Variants in MYCBP2 observed in about 807,000 individuals in gnomAD.
MYCBP2 encodes the protein MYC binding protein 2.
In MYCBP2, 120 loss-of-function variants were observed where a neutral mutation model predicts 525.3. The observed-to-expected ratio is 0.23, with a 90% confidence interval of 0.20 to 0.27. The LOEUF (loss-of-function observed/expected upper bound fraction) is 0.27, where lower values mean the gene tolerates loss of function less well. MYCBP2 is among the 10% of genes least tolerant of loss of function. MYCBP2 has a pLI of 1.00. For missense variants in MYCBP2, 4,149 were observed against 5,657.1 expected (o/e 0.73, Z 8.55); for synonymous variants, 1,894 against 1,955.8 (o/e 0.97, Z 0.83).
intron 33 of MYCBP2, among the ~76,000 whole-genome samples, chr13:77,181,156 G>A (rs142592449): frequency 1.3e-5 from 2 of 152,120 alleles, no homozygotes; most frequent in African/African-American, 2.4e-5. Context: ...AAGTCACAGA[G>A]TCTCAATAAA....
intron 21 of MYCBP2, among the ~76,000 whole-genome samples, chr13:77,214,174 A>G (rs373176576): frequency 1.3e-4 from 20 of 152,364 alleles, no homozygotes; most frequent in African/African-American, 4.8e-4. Flanking sequence ...TAAAGGTACC[A>G]CAACACATTC....
rs76751678 is a variant in MYCBP2 at position 77,130,984 on chromosome 13, A to G, written c.7660-4442T>C. ...TTCTCAGTCAACAACATGTACAATG[A>G]TATTTTAAAATGATGTTAACTGCTA... On this transcript the variant is annotated intron_variant, in intron 52 of 82. Transcript: ENST00000544440. Among the ~76,000 whole-genome samples, 47 of 152,320 alleles carry G rather than the reference A, an allele frequency of 3.1e-4. No individual in the cohort carries two copies. The East Asian group carries it at 7.5e-3, about 24-fold the overall frequency.
At chr13:77,067,915 AG>A (rs1566364909) in intron 70 of MYCBP2, 51 bp from the exon 71 acceptor site, 1 of 1,517,466 alleles carries the variant, frequency 6.6e-7, no homozygotes, top group Non-Finnish European at 8.9e-7. Flanking sequence ...TAATGTTTTA[AG>A]GTTTCTTTTA....
At chr13:77,140,747 A>C in intron 50 of MYCBP2, 99 bp downstream of exon 50, 1 of 852,854 alleles carries the variant, frequency 1.2e-6, no homozygotes, top group Non-Finnish European at 1.9e-6. Flanking sequence ...TCAAGTCCTG[A>C]AATCAAGTAA....
In MYCBP2 at chr13:77,130,676, A is replaced by C. The variant is rs75040389; in HGVS notation, c.7660-4134T>G. On this transcript the variant is annotated intron_variant, in intron 52 of 82. Coordinates refer to ENST00000544440, the MANE Select transcript of MYCBP2 (RefSeq NM_015057.5). ...GCTATGTTTTAGGGGAAAAATGTCTATACTGGTTCATCCACGTATATAAGA... is the reference window on the plus strand; with the variant it reads ...GCTATGTTTTAGGGGAAAAATGTCTCTACTGGTTCATCCACGTATATAAGA... 9.3e-3 allele frequency among the ~76,000 whole-genome samples: 1,410 copies of C among 152,260 alleles called. 21 individuals carry two copies. Among genetic ancestry groups the C allele is most frequent in the African/African-American group, 0.032 (1,316 of 41,552 alleles).
At chr13:77,268,504 G>A (rs975817525) in intron 7 of MYCBP2, among the ~76,000 whole-genome samples, 9 of 152,200 alleles carry the variant, frequency 5.9e-5, no homozygotes, top group African/African-American at 2.2e-4. Flanking sequence ...TTCAGGCTGG[G>A]GGCGGTGGCT....
intron 1 of MYCBP2, among the ~76,000 whole-genome samples, chr13:77,323,944 G>A (rs1470594446): frequency 6.6e-6 from 1 of 151,970 alleles, no homozygotes; most frequent in Non-Finnish European, 1.5e-5. Flanking sequence ...TCCTGTCCCT[G>A]AGATCCCTTT....
Position 77,229,061 on chromosome 13 carries a change from CAATTA to C in MYCBP2, c.2738-3512_2738-3508del, listed in dbSNP as rs1422479477. Among the ~76,000 whole-genome samples the C allele has an allele frequency of 2.0e-5, 3 of 152,230 alleles. No individual in the cohort carries two copies. In the East Asian group the frequency reaches 5.8e-4, roughly 29 times the overall value. Reference sequence around the variant, plus strand: ...CTGTGTGCTAACTGAACACTGTAAACAATTAAATACCACAGTGGATGAGTGCTTGG... The same window carrying C: ...CTGTGTGCTAACTGAACACTGTAAACAATACCACAGTGGATGAGTGCTTGG... On this transcript the variant is annotated intron_variant, in intron 18 of 82. Transcript: ENST00000544440.
chr13:77,184,629 T>C (rs973128547), intron 32 of MYCBP2, among the ~76,000 whole-genome samples: 1 of 152,228 alleles, frequency 6.6e-6, no homozygotes, highest in Non-Finnish European at 1.5e-5. Flanking sequence ...TATTTCTCCC[T>C]GTAGTTCTGT....
chr13:77,251,433 T>A, intron 14 of MYCBP2, 78 bp from the exon 15 acceptor site: 2 of 1,239,578 alleles, frequency 1.6e-6, no homozygotes, highest in Non-Finnish European at 2.3e-6. Flanking sequence ...TTTCCCAGTT[T>A]AAAAAATGAC....
chr13:77,229,115 G>C (rs2066763755), intron 18 of MYCBP2, among the ~76,000 whole-genome samples: 1 of 152,138 alleles, frequency 6.6e-6, no homozygotes. Flanking sequence ...TAAGAACTTG[G>C]ACTGGAATCT....
chr13:77,146,256 T>C (rs765700290), intron 47 of MYCBP2, 39 bp from the exon 48 acceptor site: 3 of 1,372,284 alleles, frequency 2.2e-6, no homozygotes, highest in East Asian at 4.7e-5. Flanking sequence ...CGTAAAATCA[T>C]TTAAAAACAT....
chr13:77,187,084 A>G (rs2060800645), intron 30 of MYCBP2, among the ~76,000 whole-genome samples: 1 of 152,218 alleles, frequency 6.6e-6, no homozygotes, highest in African/African-American at 2.4e-5. Context: ...TGCTGGGATT[A>G]TAGGCGTGAG....
In MYCBP2 at chr13:77,185,382, G is replaced by A; in HGVS notation, c.4445-5C>T. 1 of 1,605,342 alleles carries A rather than the reference G, an allele frequency of 6.2e-7. No individual in the cohort carries two copies. Among genetic ancestry groups the A allele is most frequent in the African/African-American group, 1.3e-5 (1 of 74,604 alleles). ...CTACAACTGCTTTTCCTGTAGCTTT[G>A]AGGGGGAAAAAGCAGATTGGTAATT... On this transcript the variant is annotated splice_region_variant and splice_polypyrimidine_tract_variant and intron_variant, in intron 31 of 82. Coordinates refer to ENST00000544440, the MANE Select transcript of MYCBP2 (RefSeq NM_015057.5).
rs2061315454 is a variant in MYCBP2 at position 77,191,700 on chromosome 13, G to T, written c.4049C>A (p.Ala1350Glu). Residue 1350 changes from alanine (A) to glutamate (E), a missense_variant, in exon 28 of 83, where the codon GCA (alanine) becomes GAA (glutamate). This residue lies in a region of MYCBP2 where 620 missense variants were observed against 795.5 expected (regional missense o/e 0.78). Transcript: ENST00000544440. ...TTACCCATCATCTGTGGTAATAGAT[G>T]CCTGTCCATGAGATCCACAGTCACT... Reference protein sequence around the residue: ...PSSDCGSHGQASITTDDGVVF... With the variant: ...PSSDCGSHGQESITTDDGVVF... 1 of 1,613,806 alleles carries T rather than the reference G, an allele frequency of 6.2e-7. No individual in the cohort carries two copies.
chr13:77,190,127 C>T (rs1595274830), intron 29 of MYCBP2, 125 bp downstream of exon 29: 7 of 504,122 alleles, frequency 1.4e-5, no homozygotes, highest in Admixed American at 3.4e-5. Flanking sequence ...ATAGTTCTAC[C>T]AGCATATTAT....
intron 1 of MYCBP2, among the ~76,000 whole-genome samples, chr13:77,312,151 T>A (rs1489444956): frequency 6.6e-6 from 1 of 152,014 alleles, no homozygotes; most frequent in Non-Finnish European, 1.5e-5. Context: ...ACCTAAAATA[T>A]CCTTTAGGAA....
In MYCBP2 at chr13:77,320,280, A is replaced by G. The variant is rs140787103; in HGVS notation, c.302+6194T>C. Among the ~76,000 whole-genome samples the G allele has an allele frequency of 1.7e-3, 255 of 152,284 alleles. 4 individuals carry two copies. Among genetic ancestry groups the G allele is most frequent in the African/African-American group, 5.4e-3 (226 of 41,578 alleles). On this transcript the variant is annotated intron_variant, in intron 1 of 82. Transcript: ENST00000544440. ...CAATATTGCCAAGAGCTAGGGGAAC[A>G]TGTGCCTGAAAGCGGGATCTGAAAG...
Position 77,144,545 on chromosome 13 carries a change from C to T in MYCBP2, c.7203G>A (p.Met2401Ile), listed in dbSNP as rs2055210384. 6.2e-7 allele frequency: 1 copy of T among 1,612,294 alleles called. No individual in the cohort carries two copies. The highest frequency in any genetic ancestry group is 8.5e-7 in the Non-Finnish European group (1 of 1,178,456). The change falls in exon 49 of 83, where the codon ATG becomes ATA. Residue 2401 changes from methionine to isoleucine, a missense_variant. Around this residue, in one of 21 missense-constraint regions of MYCBP2, gnomAD observed 692 missense variants for 852.7 expected, o/e 0.81. Transcript: ENST00000544440. Reference protein sequence around the residue: ...SPTPKRPSENMLIRVNNDGTY... With the variant: ...SPTPKRPSENILIRVNNDGTY... The stretch of plus-strand genomic sequence containing the variant: ...TCCCATCATTATTGACACGGATCAG[C>T]ATATTCTCACTGGGTCTGAAAAGAA...
Sources: gnomAD v4.1 joint callset for allele counts (sites outside exome capture counted in the v4.1 genomes callset) on GRCh38, gnomAD v4.1.1 for gene constraint, gnomAD v4.1.1 regional missense constraint, MANE v1.5 for transcripts, NCBI Gene and HGNC (gene_info 2026-07-23, HGNC 2026-07-21) for gene names.